The following PROSER1 variants were observed in gnomAD, a reference collection of about 807,000 sequenced individuals.
The protein encoded by PROSER1 is proline and serine-rich protein 1.
In PROSER1, 36 loss-of-function variants were observed where a neutral mutation model predicts 71.8. That is an observed-to-expected ratio of 0.50 (90% CI 0.38 to 0.66). PROSER1 has a LOEUF of 0.66. PROSER1 is among the 30% of genes least tolerant of loss of function. The pLI is 0.00. For missense variants in PROSER1, 1,107 were observed against 1,135.0 expected, an observed-to-expected ratio of 0.98 and a Z score of 0.35; for synonymous variants, 490 against 452.4, an observed-to-expected ratio of 1.08 and a Z score of -1.06.
intron 8 of PROSER1, 40 bp downstream of exon 8, chr13:39,023,012 C>T (rs779500337): frequency 6.5e-7 from 1 of 1,532,592 alleles, no homozygotes; most frequent in African/African-American, 1.4e-5. Flanking sequence ...AAATAAACAG[C>T]AAAAAAGAAA....
chr13:39,033,344 T>G (rs772872911), intron 2 of PROSER1, among the ~76,000 whole-genome samples: 1 of 152,248 alleles, frequency 6.6e-6, no homozygotes, highest in African/African-American at 2.4e-5. Flanking sequence ...TGGGCAGAAC[T>G]TCTATAGGCT....
At chr13:39,025,720 G>A (rs1870516563) in intron 6 of PROSER1, among the ~76,000 whole-genome samples, 1 of 152,054 alleles carries the variant, frequency 6.6e-6, no homozygotes, top group Non-Finnish European at 1.5e-5. Context: ...ATCCAGCTAA[G>A]CGTTCCAATA....
chr13:39,036,681 C>A (rs866623920), intron 1 of PROSER1, among the ~76,000 whole-genome samples: 1 of 152,102 alleles, frequency 6.6e-6, no homozygotes. Flanking sequence ...TTATTGACGG[C>A]CAATTCCTAA....
At chr13:39,032,105 C>G (rs958565805) in intron 2 of PROSER1, among the ~76,000 whole-genome samples, 1 of 152,120 alleles carries the variant, frequency 6.6e-6, no homozygotes, top group Admixed American at 6.5e-5. Context: ...CCTTTCAACA[C>G]GAGGGGAGAA....
chr13:39,015,724 A>G (rs370006652), intron 10 of PROSER1, among the ~76,000 whole-genome samples: 2 of 152,322 alleles, frequency 1.3e-5, no homozygotes, highest in African/African-American at 4.8e-5. Flanking sequence ...ATTGACAGTC[A>G]TATTTAAGTA....
At chr13:39,031,451 T>TA (rs1257124784) in intron 3 of PROSER1, 112 bp downstream of exon 3, 4 of 782,606 alleles carry the variant, frequency 5.1e-6, no homozygotes, top group Non-Finnish European at 8.5e-6. Flanking sequence ...CAATAACACA[T>TA]AGAGTTCGCT....
In PROSER1 at chr13:39,018,499, C is replaced by CAA. The variant is rs1555239013; in HGVS notation, c.731-956_731-955insTT. On this transcript the variant is annotated intron_variant, in intron 9 of 12. Transcript: ENST00000352251. ...ACACACACACACACACACACACACA[C>CAA]ACACACACACACACACACTACTGGG... is the stretch of plus-strand genomic sequence containing the variant. 1.2e-3 allele frequency among the ~76,000 whole-genome samples: 157 copies of CAA among 134,620 alleles called. 2 individuals are homozygous for CAA. Among genetic ancestry groups the CAA allele is most frequent in the African/African-American group, 3.6e-3 (116 of 32,028 alleles). 88.3% of individuals were successfully genotyped at this position (134,620 alleles called of 152,430 possible).
chr13:39,031,201 T>G (rs1160041622), intron 3 of PROSER1, among the ~76,000 whole-genome samples: 1 of 152,214 alleles, frequency 6.6e-6, no homozygotes, highest in Non-Finnish European at 1.5e-5. Flanking sequence ...GATATAAAAA[T>G]TTCCATCATC....
At chr13:39,025,768 T>C (rs574260084) in intron 6 of PROSER1, among the ~76,000 whole-genome samples, 2 of 152,186 alleles carry the variant, frequency 1.3e-5, no homozygotes, top group Non-Finnish European at 2.9e-5. Flanking sequence ...TAATAAACAT[T>C]TATTGCTTTA....
chr13:39,026,150 A>C (rs1254104045), intron 6 of PROSER1, 127 bp downstream of exon 6: 4 of 591,036 alleles, frequency 6.8e-6, no homozygotes, highest in African/African-American at 1.9e-5. Flanking sequence ...ATGAACTTTC[A>C]ATCAGTGGTG....
At chr13:39,035,470 A>T (rs974349357) in intron 1 of PROSER1, among the ~76,000 whole-genome samples, 1 of 152,222 alleles carries the variant, frequency 6.6e-6, no homozygotes, top group Non-Finnish European at 1.5e-5. Flanking sequence ...TATAAGCAAG[A>T]AGTACAGTGC....
In PROSER1 at chr13:39,034,156, A is replaced by C. The variant is rs771944722; in HGVS notation, c.86T>G (p.Val29Gly). 6.3e-7 allele frequency: 1 copy of C among 1,588,738 alleles called. No homozygotes were observed. Among genetic ancestry groups the C allele is most frequent in the Non-Finnish European group, 8.5e-7 (1 of 1,171,032 alleles). Residue 29 changes from valine to glycine, a missense_variant, in exon 2 of 13, where the codon GTG becomes GGG. Physicochemically the swap from Val to Gly is moderately radical, Grantham distance 109. Coordinates refer to ENST00000352251, the MANE Select transcript of PROSER1 (RefSeq NM_025138.5). ...TEYKLKAIEY[V>G]HGYFSSEQVV... ...CTGTTCACTAGAAAAGTATCCATGCACATATTCAATTGCTTTTAATTTGTA... is the reference window on the plus strand; with the variant it reads ...CTGTTCACTAGAAAAGTATCCATGCCCATATTCAATTGCTTTTAATTTGTA...
chr13:39,011,968 G>T, intron 12 of PROSER1, 115 bp downstream of exon 12: 1 of 1,119,320 alleles, frequency 8.9e-7, no homozygotes, highest in Non-Finnish European at 1.3e-6. Context: ...TATGCATTCT[G>T]CTAAGAGCCA....
intron 7 of PROSER1, 45 bp from the exon 8 acceptor site, chr13:39,023,175 A>C (rs1227876303): frequency 9.0e-6 from 13 of 1,445,762 alleles, no homozygotes; most frequent in Admixed American, 1.7e-5. Context: ...AAATCAAGTA[A>C]GCTGTCTCCT....
At chr13:39,019,673 G>A (rs1056010915) in intron 9 of PROSER1, among the ~76,000 whole-genome samples, 4 of 151,612 alleles carry the variant, frequency 2.6e-5, no homozygotes, top group African/African-American at 9.7e-5. Flanking sequence ...GTCAAGGAGA[G>A]AACAGTTGTT....
chr13:39,012,109 C>G lies in PROSER1; in HGVS notation c.2686G>C (p.Ala896Pro), dbSNP rs995442638. 1.2e-6 allele frequency: 2 copies of G among 1,614,058 alleles called. No homozygotes were observed. Among genetic ancestry groups the G allele is most frequent in the Non-Finnish European group, 1.7e-6 (2 of 1,179,994 alleles). The change falls in exon 12 of 13, where the codon GCT becomes CCT. Residue 896 changes from alanine (A) to proline (P), a missense_variant. Physicochemically the swap from Ala to Pro is conservative, Grantham distance 27 (BLOSUM62 -1). Coordinates refer to ENST00000352251, the MANE Select transcript of PROSER1 (RefSeq NM_025138.5). ...SSLQELQHNA[A>P]AQSALLQQVH... is the part of the protein sequence containing the mutation. ...TGCTGTAACAATGCTGACTGCGCAG[C>G]CGCATTATGCTGTAATTCTTGCAAG...
At chr13:39,021,071 T>G (rs569217015) in intron 9 of PROSER1, among the ~76,000 whole-genome samples, 1 of 152,320 alleles carries the variant, frequency 6.6e-6, no homozygotes, top group South Asian at 2.1e-4. Context: ...GAGTCTTTTA[T>G]GTCATTAGCA....
rs569609975 is a variant in PROSER1, at chr13:39,012,019, G to A, written c.2712+64C>T. ...GGGATATCGCAAATGATACTGCAAT[G>A]TTATCACTACAGAAGTTAGTTATAC... On this transcript the variant is annotated intron_variant, in intron 12 of 12. Coordinates refer to ENST00000352251, the MANE Select transcript of PROSER1 (RefSeq NM_025138.5). 5.6e-5 allele frequency: 84 copies of A among 1,490,660 alleles called. No homozygotes were observed. The Admixed American group carries it at 1.6e-3, about 28-fold the overall frequency. The allele number at this position is 1,490,660 out of a possible 1,614,324, so 92.3% of individuals were successfully genotyped here. A position where few individuals can be genotyped will look rare whatever the true frequency, so the allele number is the denominator to read the frequency against.
rs1267605781 is a variant in PROSER1 at position 39,015,613 on chromosome 13, C to T, written c.776-1137G>A. Among the ~76,000 whole-genome samples, 3 of 152,090 alleles carry T rather than the reference C, an allele frequency of 2.0e-5. No individual in the cohort carries two copies. In the East Asian group the frequency reaches 5.8e-4, roughly 29 times the overall value. ...ACAATAGGAAGAAAATGGAGGTAAACAACACATACATAATTCATTTGCACT... is the reference window on the plus strand; with the variant it reads ...ACAATAGGAAGAAAATGGAGGTAAATAACACATACATAATTCATTTGCACT... On this transcript the variant is annotated intron_variant, in intron 10 of 12. Transcript: ENST00000352251.
Sources: allele counts gnomAD v4.1 joint callset (sites outside exome capture counted in the v4.1 genomes callset), GRCh38; gene constraint gnomAD v4.1.1; transcripts MANE v1.5; gene names NCBI Gene and HGNC (gene_info 2026-07-23, HGNC 2026-07-21).